The following LRRC28 variants were observed in gnomAD, a reference collection of about 807,000 sequenced individuals.
The protein encoded by LRRC28 is leucine-rich repeat-containing protein 28.
In LRRC28, 39 loss-of-function variants were observed where a neutral mutation model predicts 45.7. That is an observed-to-expected ratio of 0.85 (90% confidence interval 0.66 to 1.12). The LOEUF (loss-of-function observed/expected upper bound fraction) is 1.12, where lower values mean the gene tolerates loss of function less well. Among genes scored for constraint, LRRC28 ranks in the 50% most tolerant of loss-of-function variants. LRRC28 has a pLI of 0.00. For missense variants in LRRC28, 435 were observed against 438.5 expected (o/e 0.99, Z 0.07); for synonymous variants, 206 against 178.8 (o/e 1.15, Z -1.22).
chr15:99,369,378 AAGAG>A (rs1957420704), intron 9 of LRRC28, among the ~76,000 whole-genome samples: 1 of 152,086 alleles, frequency 6.6e-6, no homozygotes, highest in Admixed American at 6.5e-5. Context: ...CTCACATTGA[AAGAG>A]AGAGAATGAC....
intron 6 of LRRC28, among the ~76,000 whole-genome samples, chr15:99,347,770 G>A (rs947226105): frequency 7.9e-5 from 12 of 152,162 alleles, no homozygotes; most frequent in Non-Finnish European, 1.8e-4. Context: ...GGCGATGACT[G>A]TGTATCTCCT....
intron 3 of LRRC28, chr15:99,285,652 A>G: frequency 1.6e-6 from 1 of 635,498 alleles, no homozygotes; most frequent in Non-Finnish European, 2.9e-6. Flanking sequence ...ACTATTTCAT[A>G]CAGCATCTTG....
intron 5 of LRRC28, among the ~76,000 whole-genome samples, chr15:99,295,192 C>T (rs1317566308): frequency 6.6e-6 from 1 of 152,192 alleles, no homozygotes; most frequent in African/African-American, 2.4e-5. Context: ...CCGATTGCTT[C>T]CCTGCCTTCT....
Position 99,389,411 on chromosome 15 carries a change from A to C in LRRC28, c.*3309A>C, listed in dbSNP as rs1333950267. The stretch of plus-strand genomic sequence containing the variant: ...TTCAAAGCCAATTTTTAAAATTAGT[A>C]GTAGTAAAGGTTTTTCCCTTTCCTG... On this transcript the variant is annotated 3_prime_UTR_variant, in exon 10 of 10. Transcript: ENST00000301981. The C allele has an allele frequency of 6.6e-6, 1 of 152,070 alleles. No individual in the cohort carries two copies. The highest frequency in any genetic ancestry group is 2.4e-5 in the African/African-American group (1 of 41,302). 9.4% of individuals were successfully genotyped at this position (152,070 alleles called of 1,614,324 possible).
intron 2 of LRRC28, among the ~76,000 whole-genome samples, chr15:99,268,146 G>A (rs1316255153): frequency 1.3e-5 from 2 of 152,090 alleles, no homozygotes; most frequent in South Asian, 2.1e-4. Flanking sequence ...CCACCATGTC[G>A]TTAAAATTTA....
At chr15:99,332,134 A>G (rs184184786) in intron 5 of LRRC28, 51 of 152,102 alleles carry the variant, frequency 3.4e-4, no homozygotes, top group African/African-American at 1.2e-3. Context: ...ATAAAACACG[A>G]TGATTCTTCC....
intron 2 of LRRC28, among the ~76,000 whole-genome samples, chr15:99,265,552 A>G (rs891352773): frequency 2.6e-5 from 4 of 152,126 alleles, no homozygotes; most frequent in East Asian, 1.9e-4. Flanking sequence ...GAGCCTTACA[A>G]CCTTCCCTGC....
intron 6 of LRRC28, among the ~76,000 whole-genome samples, chr15:99,341,015 C>T (rs3863401): frequency 6.7e-6 from 1 of 149,622 alleles, no homozygotes; most frequent in Non-Finnish European, 1.5e-5. Flanking sequence ...CTGTCTTTTT[C>T]TAAGTATTTG....
chr15:99,273,258 A>G (rs2081528303), intron 2 of LRRC28, among the ~76,000 whole-genome samples: 1 of 151,686 alleles, frequency 6.6e-6, no homozygotes, highest in Admixed American at 6.6e-5. Context: ...GTTTTTTGAG[A>G]TGGAGTCTCA....
intron 3 of LRRC28, chr15:99,285,643 C>A: frequency 1.6e-6 from 1 of 643,148 alleles, no homozygotes. Flanking sequence ...CCACTGTGTA[C>A]TATTTCATAC....
chr15:99,373,853 T>C (rs1216150856), intron 9 of LRRC28, among the ~76,000 whole-genome samples: 2 of 152,214 alleles, frequency 1.3e-5, no homozygotes, highest in Non-Finnish European at 2.9e-5. Context: ...TAATGCTTTT[T>C]GTGTTCTAAG....
intron 5 of LRRC28, among the ~76,000 whole-genome samples, chr15:99,303,599 C>T (rs62023803): frequency 0.14 from 21,865 of 151,958 alleles, 1,608 homozygotes; most frequent in Non-Finnish European, 0.16. Flanking sequence ...TTTGGGAGGC[C>T]GAGGTGGGAG....
chr15:99,258,238 A>G, intron 2 of LRRC28: 1 of 1,595,836 alleles, frequency 6.3e-7, no homozygotes, highest in African/African-American at 1.3e-5. Flanking sequence ...TCCTTGTAGC[A>G]GATAAGGTTA....
intron 9 of LRRC28, among the ~76,000 whole-genome samples, chr15:99,371,276 A>G (rs1223211783): frequency 6.6e-6 from 1 of 152,180 alleles, no homozygotes; most frequent in South Asian, 2.1e-4. Context: ...TGAGGGCTCC[A>G]TGGGCTTCAA....
At chr15:99,328,152 G>A (rs1202876408) in intron 5 of LRRC28, among the ~76,000 whole-genome samples, 1 of 152,168 alleles carries the variant, frequency 6.6e-6, no homozygotes, top group Non-Finnish European at 1.5e-5. Context: ...TATACCATGT[G>A]CACTTGAAAA....
At chr15:99,258,946 G>A (rs2081109675) in intron 2 of LRRC28, 1 of 735,452 alleles carries the variant, frequency 1.4e-6, no homozygotes, top group Non-Finnish European at 2.6e-6. Context: ...GTCTGTCTTT[G>A]AATGTTTCCT....
At chr15:99,313,328 TAAAC>T (rs1325817772) in intron 5 of LRRC28, among the ~76,000 whole-genome samples, 3 of 152,118 alleles carry the variant, frequency 2.0e-5, no homozygotes, top group South Asian at 4.1e-4. Flanking sequence ...AAAGGGGAAA[TAAAC>T]AACGCAATTA....
At chr15:99,353,235 C>G (rs1056447494) in intron 7 of LRRC28, among the ~76,000 whole-genome samples, 1 of 152,146 alleles carries the variant, frequency 6.6e-6, no homozygotes, top group Non-Finnish European at 1.5e-5. Flanking sequence ...AGTGAACACC[C>G]CGGGGGCAAC....
intron 6 of LRRC28, among the ~76,000 whole-genome samples, chr15:99,346,037 A>G (rs1043068990): frequency 1.3e-5 from 2 of 151,970 alleles, no homozygotes; most frequent in Admixed American, 6.6e-5. Flanking sequence ...GCTGGAGTGC[A>G]GTGGTGTAGT....
Sources: allele counts gnomAD v4.1 joint callset (sites outside exome capture counted in the v4.1 genomes callset), GRCh38; gene constraint gnomAD v4.1.1; transcripts MANE v1.5; gene names NCBI Gene and HGNC (gene_info 2026-07-23, HGNC 2026-07-21).